TENM2: variants seen among roughly 807,000 people sequenced by gnomAD.
TENM2 encodes the protein teneurin transmembrane protein 2.
A neutral mutation model predicts 245.2 loss-of-function variants in TENM2; 52 were observed. That is an observed-to-expected ratio of 0.21 (90% CI 0.17 to 0.27). TENM2 has a LOEUF of 0.27. Ranked by LOEUF, TENM2 falls within the 10% of genes least tolerant of loss-of-function variation. The probability of loss-of-function intolerance (pLI) is 1.00; values close to 1 mark genes in which losing one functional copy is unlikely to be tolerated. For missense variants in TENM2, 3,046 were observed against 3,666.8 expected (o/e 0.83, Z 4.37); for synonymous variants, 1,363 against 1,438.9 (o/e 0.95, Z 1.19).
intron 4 of TENM2, among the ~76,000 whole-genome samples, chr5:167,971,504 C>G (rs753555421): frequency 6.6e-6 from 1 of 152,042 alleles, no homozygotes; most frequent in Non-Finnish European, 1.5e-5. Flanking sequence ...AGTTCAAGAC[C>G]AGCCTGACGA....
the TENM2 span, among the ~76,000 whole-genome samples, chr5:166,986,621 A>AG: frequency 6.6e-6 from 1 of 152,178 alleles, no homozygotes; most frequent in African/African-American, 2.4e-5. Context: ...TATGAACTTC[A>AG]GGGGGAAAAC....
intron 23 of TENM2, among the ~76,000 whole-genome samples, chr5:168,221,719 G>A (rs891291302): frequency 2.0e-5 from 3 of 152,142 alleles, no homozygotes; most frequent in Admixed American, 2.0e-4. Context: ...GCAGGCCACT[G>A]GGTCTTGATA....
intron 1 of TENM2, among the ~76,000 whole-genome samples, chr5:167,301,583 A>T (rs1581696574): frequency 6.6e-6 from 1 of 152,194 alleles, no homozygotes; most frequent in East Asian, 1.9e-4. Context: ...TAATTTTTGG[A>T]GTTTTATTTA....
chr5:167,958,705 T>C (rs1396413358), intron 4 of TENM2, among the ~76,000 whole-genome samples: 1 of 152,212 alleles, frequency 6.6e-6, no homozygotes, highest in African/African-American at 2.4e-5. Context: ...CATTTGCTTG[T>C]ATGTAAAGGA....
In TENM2 at chr5:168,247,627, G is replaced by A. The variant is rs774682442; in HGVS notation, c.6688G>A (p.Gly2230Arg). 24 of 1,613,896 alleles carry A rather than the reference G, an allele frequency of 1.5e-5. No homozygotes were observed. Among genetic ancestry groups the A allele is most frequent in the Non-Finnish European group, 2.0e-5 (24 of 1,179,870 alleles). ...CTGGCGCTACAGCTATGACCTTAAT[G>A]GGAATCTCCACTTACTGAACCCAGG... is the stretch of plus-strand genomic sequence containing the variant. The change falls in exon 27 of 29, where the codon GGG becomes AGG. Residue 2230 changes from glycine to arginine, a missense_variant. Gly to Arg is a moderately radical substitution (Grantham distance 125, BLOSUM62 -2). Transcript: ENST00000518659. This position sits in a 1 kb window ranked among gnomAD's most constrained non-coding sequence, Gnocchi z 7.8.
At chr5:167,145,811 G>A in the TENM2 span, among the ~76,000 whole-genome samples, 1 of 152,104 alleles carries the variant, frequency 6.6e-6, no homozygotes, top group Non-Finnish European at 1.5e-5. Context: ...AATTTGATTT[G>A]TCCATCTTCT....
In TENM2 at chr5:167,373,326, A is replaced by G. The variant is rs932836917; in HGVS notation, c.227-1872A>G. 2.0e-5 allele frequency among the ~76,000 whole-genome samples: 3 copies of G among 152,236 alleles called. 1 individual carries two copies. The highest frequency in any genetic ancestry group is 4.4e-5 in the Non-Finnish European group (3 of 68,036). On this transcript the variant is annotated intron_variant, in intron 1 of 28. Transcript: ENST00000518659. The stretch of plus-strand genomic sequence containing the variant: ...TGTAAAATAAAAGGTAAAAAATGAT[A>G]TCGAGTATGTAGGCTACCATAGAGT...
chr5:167,135,587 T>G, the TENM2 span, among the ~76,000 whole-genome samples: 3 of 152,074 alleles, frequency 2.0e-5, no homozygotes, highest in Non-Finnish European at 2.9e-5. Context: ...CCATCCTGGC[T>G]AACACCGTGA....
At chr5:167,705,446 G>A (rs961805828) in intron 2 of TENM2, among the ~76,000 whole-genome samples, 1 of 152,154 alleles carries the variant, frequency 6.6e-6, no homozygotes, top group East Asian at 1.9e-4. Flanking sequence ...TGGAACTTTA[G>A]AAGACGTTCT....
At chr5:167,246,091 G>A in the TENM2 span, among the ~76,000 whole-genome samples, 1 of 152,154 alleles carries the variant, frequency 6.6e-6, no homozygotes, top group Non-Finnish European at 1.5e-5. Flanking sequence ...GCTGGAAAGG[G>A]GTGGAGCTAG....
chr5:167,460,827 C>T (rs909218482), intron 2 of TENM2, among the ~76,000 whole-genome samples: 1 of 152,058 alleles, frequency 6.6e-6, no homozygotes, highest in Non-Finnish European at 1.5e-5. Flanking sequence ...TTAAGGGACT[C>T]CTTTTATTTT....
intron 2 of TENM2, among the ~76,000 whole-genome samples, chr5:167,794,505 G>A (rs1325687395): frequency 6.6e-6 from 1 of 152,234 alleles, no homozygotes; most frequent in East Asian, 1.9e-4. Context: ...TTCAGTAGGT[G>A]TTTGCTGATT....
chr5:167,055,997 G>T, the TENM2 span, among the ~76,000 whole-genome samples: 2 of 151,926 alleles, frequency 1.3e-5, no homozygotes, highest in African/African-American at 4.8e-5. Context: ...TGATTTTAGT[G>T]AGAAAGCTTC....
At chr5:167,264,260 A>G in the TENM2 span, among the ~76,000 whole-genome samples, 1 of 152,270 alleles carries the variant, frequency 6.6e-6, no homozygotes, top group Non-Finnish European at 1.5e-5. Context: ...AAAGGAATCA[A>G]AAGACTGGTA....
chr5:167,389,364 T>C (rs1761629643), intron 2 of TENM2, among the ~76,000 whole-genome samples: 1 of 151,848 alleles, frequency 6.6e-6, no homozygotes, highest in African/African-American at 2.4e-5. Flanking sequence ...TATCCTTCAG[T>C]CTGTGTGTCT....
intron 2 of TENM2, among the ~76,000 whole-genome samples, chr5:167,834,942 G>T (rs984256134): frequency 2.0e-5 from 3 of 152,116 alleles, no homozygotes; most frequent in Non-Finnish European, 4.4e-5. Context: ...GAGCCACTGC[G>T]CCCGGCCTTT....
At chr5:167,718,293 G>C (rs534635249) in intron 2 of TENM2, among the ~76,000 whole-genome samples, 1 of 152,188 alleles carries the variant, frequency 6.6e-6, no homozygotes, top group Non-Finnish European at 1.5e-5. Context: ...GAAGCTGTGT[G>C]GTGTAGAAAG....
chr5:167,088,136 A>G, the TENM2 span, among the ~76,000 whole-genome samples: 1 of 152,150 alleles, frequency 6.6e-6, no homozygotes, highest in African/African-American at 2.4e-5. Flanking sequence ...TCAGAGTGGA[A>G]CAAGCTAGTT....
intron 2 of TENM2, among the ~76,000 whole-genome samples, chr5:167,391,530 C>A (rs1407295621): frequency 6.8e-6 from 1 of 147,572 alleles, no homozygotes; most frequent in Non-Finnish European, 1.5e-5. Flanking sequence ...GTGGCTGAGG[C>A]AGGAGAACTG....
Sources: allele counts gnomAD v4.1 joint callset (sites outside exome capture counted in the v4.1 genomes callset), GRCh38; gene constraint gnomAD v4.1.1; non-coding constraint Gnocchi (gnomAD v3.1); transcripts MANE v1.5; gene names NCBI Gene and HGNC (gene_info 2026-07-23, HGNC 2026-07-21).